CD6: variants seen among roughly 807,000 people sequenced by gnomAD.
CD6 encodes the protein CD6 molecule.
In CD6, 53 loss-of-function variants were observed where a neutral mutation model predicts 75.3. The observed-to-expected ratio is 0.70, with a 90% CI of 0.56 to 0.88. CD6 has a LOEUF of 0.88. Among genes scored for constraint, CD6 ranks in the 40% least tolerant of loss-of-function variants. The pLI, the probability that CD6 is intolerant of heterozygous loss-of-function variation, is 0.00. For missense variants in CD6, 770 were observed against 897.1 expected, an observed-to-expected ratio of 0.86 and a Z score of 1.81; for synonymous variants, 359 against 381.5, an observed-to-expected ratio of 0.94 and a Z score of 0.69.
chr11:61,017,375 C>T (rs1456570448), intron 9 of CD6, 104 bp from the exon 10 acceptor site: 2 of 834,136 alleles, frequency 2.4e-6, no homozygotes, highest in Admixed American at 2.0e-5. Context: ...TGTCCTCCCA[C>T]CCTATTCAGC....
chr11:61,006,145 A>C (rs1489464748), intron 1 of CD6, among the ~76,000 whole-genome samples: 1 of 152,108 alleles, frequency 6.6e-6, no homozygotes, highest in African/African-American at 2.4e-5. Context: ...AATCACTCCC[A>C]CTTTCGAGCT....
intron 1 of CD6, among the ~76,000 whole-genome samples, chr11:60,975,326 T>C (rs150056613): frequency 2.6e-5 from 4 of 152,300 alleles, no homozygotes; most frequent in Admixed American, 6.5e-5. Flanking sequence ...ATAGTCCAAA[T>C]TGAGATGTGT....
At chr11:60,981,862 T>C (rs905514527) in intron 1 of CD6, among the ~76,000 whole-genome samples, 2 of 152,016 alleles carry the variant, frequency 1.3e-5, no homozygotes, top group Non-Finnish European at 1.5e-5. Flanking sequence ...TGGGAGATGC[T>C]GAGAGATAGG....
rs1200642638 is a variant in CD6 at position 61,007,385 on chromosome 11, G to C, written c.119-175G>C. On this transcript the variant is annotated intron_variant, in intron 2 of 12. Coordinates refer to ENST00000313421, the MANE Select transcript of CD6 (RefSeq NM_006725.5). This position sits in a 1 kb window ranked among gnomAD's most constrained non-coding sequence, Gnocchi z 4.2. ...GACTCTAAGGAGAACCACAGGGTCA[G>C]GCCTCAAGGTGGGCTCAGGGATGAG... 6.6e-6 allele frequency among the ~76,000 whole-genome samples: 1 copy of C among 152,234 alleles called. No individual in the cohort carries two copies. The highest frequency in any genetic ancestry group is 1.9e-4 in the East Asian group (1 of 5,190).
At chr11:61,006,443 G>T in intron 1 of CD6, 131 bp from the exon 2 acceptor site, 1 of 684,750 alleles carries the variant, frequency 1.5e-6, no homozygotes. Context: ...CAAAGTTGAG[G>T]ACCACGTCTT....
chr11:60,983,264 G>GCCC (rs1303886172), intron 1 of CD6, among the ~76,000 whole-genome samples: 2 of 151,958 alleles, frequency 1.3e-5, no homozygotes, highest in East Asian at 3.9e-4. Flanking sequence ...GCTAGTTTTT[G>GCCC]TATTTTTAGT....
At chr11:61,004,845 C>T (rs963339629) in intron 1 of CD6, among the ~76,000 whole-genome samples, 10 of 152,236 alleles carry the variant, frequency 6.6e-5, no homozygotes, top group South Asian at 2.1e-4. Flanking sequence ...CTCTAATATC[C>T]TTCAACAGGG....
At chr11:60,973,025 T>A (rs976534957) in intron 1 of CD6, among the ~76,000 whole-genome samples, 1 of 152,222 alleles carries the variant, frequency 6.6e-6, no homozygotes, top group African/African-American at 2.4e-5. Context: ...CTCTGGAATT[T>A]CAGCTGCCTT....
At chr11:60,977,498 C>T (rs538216538) in intron 1 of CD6, among the ~76,000 whole-genome samples, 1 of 152,370 alleles carries the variant, frequency 6.6e-6, no homozygotes, top group South Asian at 2.1e-4. Flanking sequence ...GGCACTGGCC[C>T]TTCTCCAGAC....
At chr11:60,973,358 A>C (rs1171991222) in intron 1 of CD6, among the ~76,000 whole-genome samples, 2 of 152,180 alleles carry the variant, frequency 1.3e-5, no homozygotes, top group Admixed American at 1.3e-4. Flanking sequence ...GGAGCCTCCA[A>C]GTTCCTTCGA....
chr11:61,009,257 G>A (rs190735308), intron 4 of CD6, among the ~76,000 whole-genome samples: 131 of 152,318 alleles, frequency 8.6e-4, no homozygotes, highest in Non-Finnish European at 1.2e-3. Context: ...TCTTTGATAA[G>A]CAGGAGATGG....
chr11:60,985,150 T>C (rs1344342081), intron 1 of CD6: 1 of 151,612 alleles, frequency 6.6e-6, no homozygotes, highest in African/African-American at 2.4e-5. Context: ...TTCGTATATG[T>C]ACCGCCGAAG....
At chr11:61,017,644 T>G in intron 10 of CD6, 94 bp downstream of exon 10, 2 of 1,575,282 alleles carry the variant, frequency 1.3e-6, no homozygotes, top group Non-Finnish European at 1.7e-6. Flanking sequence ...CCTCCCTCAA[T>G]GAGTCTTTCC....
Position 61,018,523 on chromosome 11 carries a change from G to A in CD6, c.1942+130G>A. 7 of 731,622 alleles carry A rather than the reference G, an allele frequency of 9.6e-6. No homozygotes were observed. The South Asian group carries it at 1.4e-4, about 14-fold the overall frequency. The allele number at this position is 731,622 out of a possible 1,614,324, so 45.3% of individuals were successfully genotyped here. A position where few individuals can be genotyped will look rare whatever the true frequency, so the allele number is the denominator to read the frequency against. On this transcript the variant is annotated intron_variant, in intron 12 of 12. Coordinates refer to ENST00000313421, the MANE Select transcript of CD6 (RefSeq NM_006725.5). ...GGAAGGGTAAAAGAAGAGAGGGAAA[G>A]TAACTTTTTAAAAAACAAAGCAAGG...
intron 1 of CD6, among the ~76,000 whole-genome samples, chr11:60,974,827 C>T (rs988612598): frequency 6.6e-5 from 10 of 152,284 alleles, no homozygotes; most frequent in Non-Finnish European, 1.3e-4. Context: ...TTCTTTTCTT[C>T]TCAGCCATGT....
intron 1 of CD6, chr11:60,982,641 A>G (rs1857617709): frequency 4.4e-6 from 2 of 455,960 alleles, no homozygotes; most frequent in Non-Finnish European, 8.8e-6. Flanking sequence ...CAGTTGCCAA[A>G]TGGATTCAGC....
intron 1 of CD6, among the ~76,000 whole-genome samples, chr11:60,978,046 T>C (rs1467951831): frequency 6.6e-6 from 1 of 152,130 alleles, no homozygotes; most frequent in Non-Finnish European, 1.5e-5. Flanking sequence ...GGAGATTTCC[T>C]CCTCCAAGTC....
At chr11:60,975,803 A>G (rs761439403) in intron 1 of CD6, among the ~76,000 whole-genome samples, 7 of 152,336 alleles carry the variant, frequency 4.6e-5, no homozygotes, top group South Asian at 2.1e-4. Context: ...ACCCTGTCTC[A>G]ATAAAAAAGT....
chr11:61,014,105 G>A (rs1290065391), intron 8 of CD6, 91 bp downstream of exon 8: 10 of 885,526 alleles, frequency 1.1e-5, no homozygotes, highest in East Asian at 2.7e-5. Flanking sequence ...GGTCCAAGAC[G>A]TACACACAGC....
Sources: gnomAD v4.1 joint callset for allele counts (sites outside exome capture counted in the v4.1 genomes callset) on GRCh38, gnomAD v4.1.1 for gene constraint, Gnocchi (gnomAD v3.1) non-coding constraint, MANE v1.5 for transcripts, NCBI Gene and HGNC (gene_info 2026-07-23, HGNC 2026-07-21) for gene names.